The following DLG2 variants were observed in gnomAD, a reference collection of about 807,000 sequenced individuals.
DLG2 encodes discs large MAGUK scaffold protein 2.
DLG2 carries 45 observed loss-of-function variants against 132.5 expected under a neutral mutation model. That is an observed-to-expected ratio of 0.34 (90% CI 0.27 to 0.44). The LOEUF (loss-of-function observed/expected upper bound fraction) is 0.44, where lower values mean the gene tolerates loss of function less well. Ranked by LOEUF, DLG2 falls within the 20% of genes least tolerant of loss-of-function variation. The pLI, the probability that DLG2 is intolerant of heterozygous loss-of-function variation, is 1.00. For missense variants in DLG2, 1,045 were observed against 1,196.9 expected (o/e 0.87, Z 1.87); for synonymous variants, 424 against 419.6 (o/e 1.01, Z -0.13).
intron 3 of DLG2, among the ~76,000 whole-genome samples, chr11:85,449,914 G>C (rs953472227): frequency 6.6e-6 from 1 of 151,942 alleles, no homozygotes; most frequent in African/African-American, 2.4e-5. Context: ...GATCACCTGA[G>C]GTCGGGAGTT....
At chr11:84,079,451 T>A (rs1259361948) in intron 10 of DLG2, among the ~76,000 whole-genome samples, 1 of 151,988 alleles carries the variant, frequency 6.6e-6, no homozygotes, top group East Asian at 1.9e-4. Context: ...GCCCAGCTAA[T>A]TTTTGTATTT....
intron 6 of DLG2, among the ~76,000 whole-genome samples, chr11:84,842,778 A>G (rs947470428): frequency 2.0e-5 from 3 of 151,824 alleles, no homozygotes; most frequent in Non-Finnish European, 2.9e-5. Context: ...GGTATAATGA[A>G]TATCTGGACA....
rs74596382 is a variant in DLG2 at position 83,510,836 on chromosome 11, T to G, written c.2193+21872A>C. Reference sequence around the variant, plus strand: ...AAAAGTTTCTGAACCATCCGTTTTTTTTTTTTTTTTTTTTTGGAAGGGAAA... The same window carrying G: ...AAAAGTTTCTGAACCATCCGTTTTTGTTTTTTTTTTTTTTTGGAAGGGAAA... On this transcript the variant is annotated intron_variant, in intron 21 of 27. Coordinates refer to ENST00000376104, the MANE Select transcript of DLG2 (RefSeq NM_001142699.3). Among the ~76,000 whole-genome samples the G allele has an allele frequency of 1.8e-3, 255 of 141,300 alleles. 2 individuals are homozygous for G. Among genetic ancestry groups the G allele is most frequent in the African/African-American group, 6.7e-3 (246 of 36,522 alleles). The allele number at this position is 141,300 out of a possible 152,430, so 92.7% of individuals were successfully genotyped here.
intron 3 of DLG2, among the ~76,000 whole-genome samples, chr11:85,359,114 A>G (rs2083955893): frequency 6.6e-6 from 1 of 152,192 alleles, no homozygotes; most frequent in Admixed American, 6.5e-5. Flanking sequence ...TTGTTATCAC[A>G]CGAATAATTT....
intron 10 of DLG2, among the ~76,000 whole-genome samples, chr11:84,082,800 A>T (rs1037298405): frequency 6.6e-6 from 1 of 152,338 alleles, no homozygotes; most frequent in Non-Finnish European, 1.5e-5. Context: ...TTCTGGAAAA[A>T]AATTTAATGA....
intron 7 of DLG2, among the ~76,000 whole-genome samples, chr11:84,279,463 T>C (rs960263298): frequency 2.0e-5 from 3 of 152,222 alleles, no homozygotes; most frequent in African/African-American, 7.2e-5. Flanking sequence ...ACTCGGTATA[T>C]ACCCAAAGGA....
At chr11:84,110,716 C>A (rs536248920) in intron 9 of DLG2, among the ~76,000 whole-genome samples, 3 of 152,260 alleles carry the variant, frequency 2.0e-5, no homozygotes, top group East Asian at 3.9e-4. Flanking sequence ...CTCAGAGGAG[C>A]CATTGGGGCA....
chr11:84,729,218 C>T (rs1477073235), intron 6 of DLG2, among the ~76,000 whole-genome samples: 2 of 152,064 alleles, frequency 1.3e-5, no homozygotes. Context: ...CTCTTGTGGG[C>T]ATTTAGTGCT....
chr11:85,240,810 G>A (rs567099370), intron 4 of DLG2, among the ~76,000 whole-genome samples: 31 of 151,690 alleles, frequency 2.0e-4, no homozygotes, highest in African/African-American at 7.0e-4. Context: ...GTCTTATTAC[G>A]ATGTCTTAAT....
chr11:84,836,189 G>A (rs963129483), intron 6 of DLG2, among the ~76,000 whole-genome samples: 1 of 151,752 alleles, frequency 6.6e-6, no homozygotes, highest in African/African-American at 2.4e-5. Flanking sequence ...AATAGGGTCT[G>A]AAAATACAAG....
At chr11:83,667,468 T>C (rs1385097726) in intron 18 of DLG2, among the ~76,000 whole-genome samples, 1 of 152,202 alleles carries the variant, frequency 6.6e-6, no homozygotes, top group Non-Finnish European at 1.5e-5. Context: ...TGAACTTTTG[T>C]TTTCTAGTCT....
intron 7 of DLG2, among the ~76,000 whole-genome samples, chr11:84,315,736 A>G (rs1331455469): frequency 6.6e-6 from 1 of 152,174 alleles, no homozygotes; most frequent in East Asian, 1.9e-4. Flanking sequence ...ATGCAAATCA[A>G]TCAAAGGCCA....
At chr11:84,585,313 T>A (rs2099527016) in intron 6 of DLG2, among the ~76,000 whole-genome samples, 1 of 152,206 alleles carries the variant, frequency 6.6e-6, no homozygotes, top group African/African-American at 2.4e-5. Flanking sequence ...GGTTAGTAAA[T>A]TGGCTCTAGA....
chr11:85,165,115 C>T (rs975265091), intron 4 of DLG2, among the ~76,000 whole-genome samples: 1 of 152,140 alleles, frequency 6.6e-6, no homozygotes, highest in African/African-American at 2.4e-5. Context: ...AGGTATAAGA[C>T]ACATTTACGA....
intron 7 of DLG2, among the ~76,000 whole-genome samples, chr11:84,347,666 C>A (rs2098545067): frequency 1.3e-5 from 2 of 152,206 alleles, no homozygotes. Flanking sequence ...CCACAACCCA[C>A]TCCTAGCACC....
At chr11:84,180,561 C>G (rs2096089760) in intron 8 of DLG2, among the ~76,000 whole-genome samples, 1 of 151,924 alleles carries the variant, frequency 6.6e-6, no homozygotes, top group Non-Finnish European at 1.5e-5. Context: ...AATGACAAAG[C>G]AAACAAACAC....
intron 8 of DLG2, among the ~76,000 whole-genome samples, chr11:84,164,984 C>G (rs944898458): frequency 2.0e-5 from 3 of 152,020 alleles, no homozygotes; most frequent in African/African-American, 4.8e-5. Context: ...TTTGTATATG[C>G]AAAAGTAAAA....
chr11:84,986,267 T>C (rs1358155248), intron 6 of DLG2, among the ~76,000 whole-genome samples: 6 of 151,932 alleles, frequency 3.9e-5, no homozygotes, highest in Non-Finnish European at 5.9e-5. Flanking sequence ...CTAGATACCC[T>C]GAACAGAAAA....
chr11:85,146,061 C>T (rs551680558), intron 5 of DLG2, among the ~76,000 whole-genome samples: 7 of 152,116 alleles, frequency 4.6e-5, no homozygotes, highest in African/African-American at 9.6e-5. Context: ...TGGGAGATAC[C>T]GCAGAACTAG....
Sources: gnomAD v4.1 joint callset for allele counts (sites outside exome capture counted in the v4.1 genomes callset) on GRCh38, gnomAD v4.1.1 for gene constraint, MANE v1.5 for transcripts, NCBI Gene and HGNC (gene_info 2026-07-23, HGNC 2026-07-21) for gene names.